CCSER1: variants seen among roughly 807,000 people sequenced by gnomAD.
CCSER1 encodes coiled-coil serine rich protein 1.
CCSER1 carries 41 observed loss-of-function variants against 82.0 expected under a neutral mutation model. The ratio of observed to expected loss-of-function variants is 0.50; its 90% CI spans 0.39 to 0.65. The LOEUF is 0.65. Among genes scored for constraint, CCSER1 ranks in the 30% least tolerant of loss-of-function variants. The pLI is 0.00. For synonymous variants in CCSER1, 414 were observed against 383.9 expected, an observed-to-expected ratio of 1.08 and a Z score of -0.92; for missense variants, 1,119 against 1,064.2, an observed-to-expected ratio of 1.05 and a Z score of -0.72.
intron 10 of CCSER1, among the ~76,000 whole-genome samples, chr4:91,334,720 A>G (rs562425512): frequency 2.0e-5 from 3 of 152,230 alleles, no homozygotes; most frequent in Non-Finnish European, 4.4e-5. Flanking sequence ...AGTAAGTGTC[A>G]TCACCTATGA....
chr4:90,470,518 A>G (rs1764214283), intron 5 of CCSER1, among the ~76,000 whole-genome samples: 1 of 151,184 alleles, frequency 6.6e-6, no homozygotes, highest in African/African-American at 2.4e-5. Context: ...TTATTGGCTC[A>G]TGTAATTTAT....
chr4:90,722,402 T>C (rs1269529906), intron 6 of CCSER1, among the ~76,000 whole-genome samples: 1 of 151,886 alleles, frequency 6.6e-6, no homozygotes, highest in African/African-American at 2.4e-5. Flanking sequence ...GCTTCATTCA[T>C]GTCTTACGTT....
At chr4:90,966,903 A>G (rs866623484) in intron 9 of CCSER1, among the ~76,000 whole-genome samples, 14 of 152,106 alleles carry the variant, frequency 9.2e-5, no homozygotes, top group Non-Finnish European at 1.9e-4. Flanking sequence ...AGTTGATCCT[A>G]AATTTCACAT....
chr4:91,086,232 A>G (rs571068681), intron 10 of CCSER1, among the ~76,000 whole-genome samples: 1 of 152,242 alleles, frequency 6.6e-6, no homozygotes, highest in Non-Finnish European at 1.5e-5. Context: ...TTCTCTGATT[A>G]GGCAAGCATT....
chr4:90,332,636 T>C (rs532280116), intron 3 of CCSER1, among the ~76,000 whole-genome samples: 2 of 152,328 alleles, frequency 1.3e-5, no homozygotes, highest in East Asian at 3.9e-4. Context: ...TGGTGATTTT[T>C]ATCACATTGT....
intron 10 of CCSER1, among the ~76,000 whole-genome samples, chr4:91,114,912 GA>G (rs1200500785): frequency 6.6e-6 from 1 of 152,110 alleles, no homozygotes; most frequent in Non-Finnish European, 1.5e-5. Flanking sequence ...TAAAATGTAA[GA>G]AATTAATGTA....
At chr4:90,513,534 G>T (rs1771841920) in intron 5 of CCSER1, among the ~76,000 whole-genome samples, 2 of 152,138 alleles carry the variant, frequency 1.3e-5, no homozygotes, top group African/African-American at 2.4e-5. Flanking sequence ...CTCTCGATTA[G>T]AATGCAGAAT....
chr4:91,047,998 G>C (rs1292347266), intron 9 of CCSER1, among the ~76,000 whole-genome samples: 1 of 151,636 alleles, frequency 6.6e-6, no homozygotes, highest in Admixed American at 6.6e-5. Flanking sequence ...ATTTATTGTC[G>C]TATAAACTCC....
chr4:91,090,765 G>A (rs1723862909), intron 10 of CCSER1, among the ~76,000 whole-genome samples: 1 of 152,178 alleles, frequency 6.6e-6, no homozygotes, highest in Non-Finnish European at 1.5e-5. Flanking sequence ...TGGAATTTCA[G>A]GTACTGGCAC....
At chr4:90,161,201 A>G (rs1729367779) in intron 1 of CCSER1, among the ~76,000 whole-genome samples, 2 of 152,070 alleles carry the variant, frequency 1.3e-5, no homozygotes. Flanking sequence ...TTTCTTGCTG[A>G]TGATCTTTGG....
chr4:90,767,627 G>C (rs551080940), intron 7 of CCSER1, among the ~76,000 whole-genome samples: 39 of 152,142 alleles, frequency 2.6e-4, no homozygotes, highest in African/African-American at 8.7e-4. Context: ...TATTCATGTG[G>C]CTTAGTAAAA....
intron 10 of CCSER1, among the ~76,000 whole-genome samples, chr4:91,371,785 G>A (rs1218230766): frequency 2.0e-5 from 3 of 151,990 alleles, no homozygotes; most frequent in Non-Finnish European, 4.4e-5. Context: ...AATATCTTTT[G>A]TACCTAAAGA....
In CCSER1 at chr4:90,628,022, T is replaced by G. The variant is rs1560839654; in HGVS notation, c.1725-3T>G. On this transcript the variant is annotated splice_region_variant and splice_polypyrimidine_tract_variant and intron_variant, in intron 5 of 10. Transcript: ENST00000509176. ...TTTTTGTTCTTTTTTTTTTTCTTGT[T>G]AGGAATCTTTCCCTGAAATTAACAA... 1.9e-6 allele frequency: 3 copies of G among 1,612,078 alleles called. No homozygotes were observed. The highest frequency in any genetic ancestry group is 2.5e-6 in the Non-Finnish European group (3 of 1,178,570).
At chr4:91,405,357 T>A (rs1752630937) in intron 10 of CCSER1, among the ~76,000 whole-genome samples, 1 of 152,118 alleles carries the variant, frequency 6.6e-6, no homozygotes, top group African/African-American at 2.4e-5. Context: ...ATAAAAACCC[T>A]AGAAGAAAAC....
intron 10 of CCSER1, among the ~76,000 whole-genome samples, chr4:91,336,029 A>G (rs1249989016): frequency 6.6e-6 from 1 of 152,266 alleles, no homozygotes; most frequent in South Asian, 2.1e-4. Flanking sequence ...GGGCAAATTC[A>G]GCAAAGCCTT....
intron 10 of CCSER1, among the ~76,000 whole-genome samples, chr4:91,487,328 C>T (rs1175201508): frequency 6.6e-6 from 1 of 152,084 alleles, no homozygotes; most frequent in African/African-American, 2.4e-5. Flanking sequence ...TCAGTAAATA[C>T]ACAAGGCATG....
chr4:90,840,056 CAT>C (rs1224168307), intron 8 of CCSER1, among the ~76,000 whole-genome samples: 3 of 151,770 alleles, frequency 2.0e-5, no homozygotes, highest in African/African-American at 7.3e-5. Context: ...ATCCATATAA[CAT>C]AGCATTTATT....
At chr4:90,548,729 T>G (rs1194774639) in intron 5 of CCSER1, among the ~76,000 whole-genome samples, 3 of 88,536 alleles carry the variant, frequency 3.4e-5, no homozygotes, top group Admixed American at 1.0e-4. Flanking sequence ...CATTTAAAGA[T>G]ATATATATAT....
chr4:91,436,880 T>C (rs1294216723), intron 10 of CCSER1, among the ~76,000 whole-genome samples: 1 of 152,188 alleles, frequency 6.6e-6, no homozygotes, highest in East Asian at 1.9e-4. Context: ...AAAGTATTTA[T>C]TGAAAATAAC....
Sources: gnomAD v4.1 joint callset for allele counts (sites outside exome capture counted in the v4.1 genomes callset) on GRCh38, gnomAD v4.1.1 for gene constraint, MANE v1.5 for transcripts, NCBI Gene and HGNC (gene_info 2026-07-23, HGNC 2026-07-21) for gene names.